Variants in SYT1 observed in about 807,000 individuals in gnomAD.
SYT1 encodes synaptotagmin-1.
Under a neutral mutation model 44.8 loss-of-function variants are expected in SYT1, and 8 were observed. The ratio of observed to expected loss-of-function variants is 0.18; its 90% confidence interval spans 0.10 to 0.32. SYT1 has a LOEUF of 0.32. SYT1 is among the 10% of genes least tolerant of loss of function. SYT1 has a pLI of 1.00. For synonymous variants in SYT1, 154 were observed against 188.8 expected (o/e 0.82, Z 1.51); for missense variants, 286 against 509.3 (o/e 0.56, Z 4.22).
chr12:79,106,597 T>C (rs1878734053), intron 3 of SYT1, among the ~76,000 whole-genome samples: 1 of 151,740 alleles, frequency 6.6e-6, no homozygotes, highest in South Asian at 2.1e-4. Context: ...AAAACTCTCA[T>C]AGGGAACTTT....
chr12:79,205,623 CCTT>C (rs1291897825), intron 3 of SYT1, among the ~76,000 whole-genome samples: 1 of 152,088 alleles, frequency 6.6e-6, no homozygotes, highest in African/African-American at 2.4e-5. Context: ...TTGTATAAAA[CCTT>C]CTGATTTTCT....
rs759104741 is a variant in SYT1 at position 79,329,495 on chromosome 12, A to G, written c.811-24007A>G. On this transcript the variant is annotated intron_variant, in intron 8 of 10. Coordinates refer to ENST00000261205, the MANE Select transcript of SYT1 (RefSeq NM_005639.3). ...TATTCTTAATTACCTATGGATGGGA[A>G]TGCTACTGTACTTGAATAATAATGA... Among the ~76,000 whole-genome samples, 71 of 152,250 alleles carry G rather than the reference A, an allele frequency of 4.7e-4. 1 individual carries two copies. Among genetic ancestry groups the G allele is most frequent in the Non-Finnish European group, 7.5e-4 (51 of 68,050 alleles).
At chr12:79,018,009 G>A (rs1034345186) in intron 2 of SYT1, among the ~76,000 whole-genome samples, 5 of 151,970 alleles carry the variant, frequency 3.3e-5, no homozygotes, top group Non-Finnish European at 7.4e-5. Context: ...AGAAGGACAT[G>A]AAGAGCAGAT....
intron 9 of SYT1, among the ~76,000 whole-genome samples, chr12:79,414,544 G>C (rs1018196414): frequency 2.6e-5 from 4 of 152,146 alleles, no homozygotes; most frequent in Admixed American, 2.0e-4. Context: ...GCACAAAGAA[G>C]TCCTATACCT....
At chr12:79,037,653 A>T (rs1265958291) in intron 2 of SYT1, among the ~76,000 whole-genome samples, 1 of 151,750 alleles carries the variant, frequency 6.6e-6, no homozygotes, top group African/African-American at 2.4e-5. Flanking sequence ...CCTAAATATG[A>T]GGTACAATCT....
intron 2 of SYT1, among the ~76,000 whole-genome samples, chr12:79,033,309 T>G (rs1411372995): frequency 6.6e-6 from 1 of 151,372 alleles, no homozygotes; most frequent in Non-Finnish European, 1.5e-5. Context: ...CTAACCATAG[T>G]GCACCCAATT....
intron 8 of SYT1, among the ~76,000 whole-genome samples, chr12:79,328,010 T>C (rs1881682424): frequency 1.3e-5 from 2 of 152,114 alleles, no homozygotes; most frequent in Admixed American, 1.3e-4. Context: ...ATTTTAAGTC[T>C]CACATTTGGG....
At chr12:79,234,342 A>G (rs2177963) in intron 4 of SYT1, among the ~76,000 whole-genome samples, 106,344 of 152,132 alleles carry the variant, frequency 0.7, 37,620 homozygotes, top group African/African-American at 0.75. Flanking sequence ...GTATAGTTCT[A>G]TGCTTTTAGT....
rs559446706 is a variant in SYT1 at position 79,171,393 on chromosome 12, G to A, written c.-17-46110G>A. 4.6e-5 allele frequency among the ~76,000 whole-genome samples: 7 copies of A among 152,006 alleles called. No homozygotes were observed. The East Asian group carries it at 1.4e-3, about 30-fold the overall frequency. On this transcript the variant is annotated intron_variant, in intron 3 of 10. Coordinates refer to ENST00000261205, the MANE Select transcript of SYT1 (RefSeq NM_005639.3). ...TGAGCAGTGGTTTGCAGTTCTCCTT[G>A]TAGAGATCTTTCACCTCCCTAGTTA...
At chr12:79,069,951 G>A (rs1876149994) in intron 3 of SYT1, among the ~76,000 whole-genome samples, 1 of 152,078 alleles carries the variant, frequency 6.6e-6, no homozygotes, top group Admixed American at 6.6e-5. Flanking sequence ...AAAATAAAGA[G>A]ATGCTCAAAT....
At chr12:79,323,773 G>A (rs1325073308) in intron 8 of SYT1, among the ~76,000 whole-genome samples, 1 of 151,312 alleles carries the variant, frequency 6.6e-6, no homozygotes, top group East Asian at 1.9e-4. Context: ...ATGGAAAAAT[G>A]TTTTAGTATG....
intron 8 of SYT1, among the ~76,000 whole-genome samples, chr12:79,309,553 G>A (rs1210388258): frequency 2.6e-5 from 4 of 152,098 alleles, no homozygotes; most frequent in Non-Finnish European, 4.4e-5. Context: ...TGACTGGGAG[G>A]CCAAAGATTT....
At chr12:79,243,801 G>A (rs1408940425) in intron 4 of SYT1, among the ~76,000 whole-genome samples, 1 of 150,586 alleles carries the variant, frequency 6.6e-6, no homozygotes, top group African/African-American at 2.4e-5. Context: ...TAAAAAGTAA[G>A]GAAGGAGGAA....
At chr12:79,392,798 C>CTTTTTTTTTTT (rs755888075) in intron 9 of SYT1, 30 of 98,860 alleles carry the variant, frequency 3.0e-4, no homozygotes, top group East Asian at 5.5e-4. Context: ...ATTTTTCTTT[C>CTTTTTTTTTTT]TTTTTTTTTT....
At chr12:79,420,254 G>A (rs529578011) in intron 9 of SYT1, among the ~76,000 whole-genome samples, 36 of 152,242 alleles carry the variant, frequency 2.4e-4, no homozygotes, top group African/African-American at 8.7e-4. Flanking sequence ...AGAAGTGTGT[G>A]AGCTTTCCTA....
chr12:78,942,961 A>T (rs1394519324), intron 1 of SYT1, among the ~76,000 whole-genome samples: 1 of 152,214 alleles, frequency 6.6e-6, no homozygotes, highest in Non-Finnish European at 1.5e-5. Context: ...GTTCTATGAA[A>T]TCATCAGTAA....
chr12:79,062,778 G>A (rs938168818), intron 3 of SYT1, among the ~76,000 whole-genome samples: 67 of 152,218 alleles, frequency 4.4e-4, no homozygotes, highest in African/African-American at 1.6e-3. Context: ...AATGATGAAT[G>A]GTTAGAAATG....
rs58209862 is a variant in SYT1 at position 79,179,013 on chromosome 12, T to G, written c.-17-38490T>G. ...CTATATAGATATAGATATAGATATA[T>G]AGATATAGATATAGATATATAGATA... is the stretch of plus-strand genomic sequence containing the variant. On this transcript the variant is annotated intron_variant, in intron 3 of 10. Transcript: ENST00000261205. Among the ~76,000 whole-genome samples the G allele has an allele frequency of 5.3e-3, 127 of 24,182 alleles. 15 individuals are homozygous for G. Among genetic ancestry groups the G allele is most frequent in the African/African-American group, 0.028 (105 of 3,754 alleles). 15.9% of individuals were successfully genotyped at this position (24,182 alleles called of 152,430 possible).
intron 3 of SYT1, among the ~76,000 whole-genome samples, chr12:79,108,233 A>G (rs1490412306): frequency 6.6e-6 from 1 of 151,890 alleles, no homozygotes; most frequent in Non-Finnish European, 1.5e-5. Context: ...CTTTAGTGGG[A>G]GTGATTTTTA....
Sources: gnomAD v4.1 joint callset for allele counts (sites outside exome capture counted in the v4.1 genomes callset) on GRCh38, gnomAD v4.1.1 for gene constraint, MANE v1.5 for transcripts, NCBI Gene and HGNC (gene_info 2026-07-23, HGNC 2026-07-21) for gene names.